The following STON1 variants were observed in gnomAD, a reference collection of about 807,000 sequenced individuals.
STON1 encodes the protein stonin-1.
A neutral mutation model predicts 60.9 loss-of-function variants in STON1; 79 were observed. The observed-to-expected ratio is 1.30, with a 90% CI of 1.08 to 1.56. The LOEUF (loss-of-function observed/expected upper bound fraction) is 1.56. Among genes scored for constraint, STON1 ranks in the 40% most tolerant of loss-of-function variants. STON1 has a pLI of 0.00. For synonymous variants in STON1, 363 were observed against 306.9 expected (o/e 1.18, Z -1.91); for missense variants, 1,166 against 858.9 (o/e 1.36, Z -4.47).
chr2:48,594,086 C>A (rs1674671992), intron 3 of STON1, among the ~76,000 whole-genome samples: 1 of 152,176 alleles, frequency 6.6e-6, no homozygotes, highest in East Asian at 1.9e-4. Flanking sequence ...GACTACATTG[C>A]ATCCCAGCTT....
intron 1 of STON1, among the ~76,000 whole-genome samples, chr2:48,571,833 T>A (rs1368753671): frequency 6.6e-6 from 1 of 151,978 alleles, no homozygotes; most frequent in Non-Finnish European, 1.5e-5. Context: ...TATAGAAGGA[T>A]CAGCTGAAAG....
At chr2:48,531,293 C>T (rs544445324) in intron 1 of STON1, 1 of 152,252 alleles carries the variant, frequency 6.6e-6, no homozygotes, top group Non-Finnish European at 1.5e-5. Context: ...ACTCCCCCAC[C>T]CCCACTTTCT....
At chr2:48,536,748 A>G (rs1460520460) in intron 1 of STON1, among the ~76,000 whole-genome samples, 3 of 152,188 alleles carry the variant, frequency 2.0e-5, no homozygotes, top group African/African-American at 4.8e-5. Context: ...ATTGCATTCA[A>G]TTAATACTGA....
intron 2 of STON1, among the ~76,000 whole-genome samples, chr2:48,583,569 C>A (rs1240395568): frequency 1.3e-5 from 2 of 149,968 alleles, no homozygotes; most frequent in African/African-American, 4.9e-5. Flanking sequence ...AGTCAAAAAC[C>A]AAATTTTAAA....
At chr2:48,546,901 T>C (rs983474412) in intron 1 of STON1, among the ~76,000 whole-genome samples, 18 of 152,150 alleles carry the variant, frequency 1.2e-4, no homozygotes, top group Non-Finnish European at 2.4e-4. Context: ...TTTCACCACA[T>C]TGCATGAACA....
intron 1 of STON1, among the ~76,000 whole-genome samples, chr2:48,538,200 C>T (rs1379782706): frequency 6.6e-6 from 1 of 152,078 alleles, no homozygotes; most frequent in East Asian, 1.9e-4. Context: ...CTCATGATAT[C>T]CCCTCCTCGG....
At chr2:48,556,988 C>G (rs1333415075) in intron 1 of STON1, among the ~76,000 whole-genome samples, 1 of 71,854 alleles carries the variant, frequency 1.4e-5, no homozygotes, top group African/African-American at 5.4e-5. Context: ...CCCCCCACCT[C>G]CCTCCTGGAC....
chr2:48,530,376 C>A, intron 1 of STON1, 160 bp downstream of exon 1: 1 of 250,574 alleles, frequency 4.0e-6, no homozygotes, highest in South Asian at 4.0e-5. Context: ...CCGCCCTGGC[C>A]GCCCCCAGGG....
rs140679959 is a variant in STON1 at position 48,539,348 on chromosome 2, C to G, written c.-48+9132C>G. On this transcript the variant is annotated intron_variant, in intron 1 of 3. Coordinates refer to ENST00000404752, the MANE Select transcript of STON1 (RefSeq NM_006873.4). ...TATTTTTGTTTTTCATTATTTTTAC[C>G]TTTATCTACATTTCTTCTGTTTCTA... Among the ~76,000 whole-genome samples, 1,265 of 151,946 alleles carry G rather than the reference C, an allele frequency of 8.3e-3. 10 individuals are homozygous for G. Among genetic ancestry groups the G allele is most frequent in the African/African-American group, 0.014 (585 of 41,428 alleles).
At chr2:48,535,105 A>G (rs969206763) in intron 1 of STON1, among the ~76,000 whole-genome samples, 1 of 152,166 alleles carries the variant, frequency 6.6e-6, no homozygotes, top group African/African-American at 2.4e-5. Flanking sequence ...ACAGGGTGTC[A>G]TCATTCTTTG....
chr2:48,581,349 C>G lies in STON1; in HGVS notation c.716C>G (p.Ala239Gly). 1 of 1,554,498 alleles carries G rather than the reference C, an allele frequency of 6.4e-7. No individual in the cohort carries two copies. The highest frequency in any genetic ancestry group is 8.7e-7 in the Non-Finnish European group (1 of 1,152,386). Reference protein sequence around the residue: ...ICEKLEHLQSAENQDSLRSLS... With the variant: ...ICEKLEHLQSGENQDSLRSLS... ...GAGAAGCTTGAACATCTCCAGTCAGCTGAGAACCAAGACTCACTTAGAAGT... is the reference window on the plus strand; with the variant it reads ...GAGAAGCTTGAACATCTCCAGTCAGGTGAGAACCAAGACTCACTTAGAAGT... The change falls in exon 2 of 4, where the codon GCT (alanine) becomes GGT (glycine). Residue 239 changes from alanine to glycine, a missense_variant. Coordinates refer to ENST00000404752, the MANE Select transcript of STON1 (RefSeq NM_006873.4).
chr2:48,530,887 G>T (rs1242626312), intron 1 of STON1: 1 of 152,386 alleles, frequency 6.6e-6, no homozygotes, highest in Non-Finnish European at 1.5e-5. Flanking sequence ...ACTGAACCTC[G>T]TGGGTACAGG....
intron 1 of STON1, among the ~76,000 whole-genome samples, chr2:48,544,624 C>A (rs1671788864): frequency 6.6e-6 from 1 of 152,180 alleles, no homozygotes; most frequent in Admixed American, 6.5e-5. Context: ...TGGCTCACTG[C>A]AACCTCTGCC....
intron 1 of STON1, among the ~76,000 whole-genome samples, chr2:48,557,076 C>T (rs1362725645): frequency 1.0e-5 from 1 of 97,664 alleles, no homozygotes; most frequent in African/African-American, 3.6e-5. Flanking sequence ...GGGGGCTGAC[C>T]CCCCCCCACC....
At chr2:48,564,474 TTCTTCTTTCTTCTTCTTCTTCTTC>T (rs1672779527) in intron 1 of STON1, among the ~76,000 whole-genome samples, 1 of 51,302 alleles carries the variant, frequency 1.9e-5, no homozygotes, top group East Asian at 4.6e-4. Flanking sequence ...CTTCTTCTTC[TTCTTCTTTCTTCTTCTTCTTCTTC>T]TTCTTCTTCT....
rs145188930 is a variant in STON1, at chr2:48,535,858, G to A, written c.-48+5642G>A. Among the ~76,000 whole-genome samples the A allele has an allele frequency of 1.2e-4, 19 of 152,238 alleles. No individual in the cohort carries two copies. The South Asian group carries it at 1.4e-3, about 12-fold the overall frequency. On this transcript the variant is annotated intron_variant, in intron 1 of 3. Coordinates refer to ENST00000404752, the MANE Select transcript of STON1 (RefSeq NM_006873.4). ...TCCCAGCACTTTGGGAGGCTGAGGC[G>A]GGCTGATCGCTTGAGCTCAGGAGTT...
At chr2:48,552,183 T>C (rs983488263) in intron 1 of STON1, among the ~76,000 whole-genome samples, 8 of 152,248 alleles carry the variant, frequency 5.3e-5, no homozygotes, top group African/African-American at 1.7e-4. Flanking sequence ...GAATGAAATA[T>C]TGATGTAAGC....
intron 1 of STON1, among the ~76,000 whole-genome samples, chr2:48,567,734 G>T (rs1199949238): frequency 6.6e-6 from 1 of 152,100 alleles, no homozygotes; most frequent in Non-Finnish European, 1.5e-5. Flanking sequence ...GTCATAGCAA[G>T]CCCTTAAGAA....
chr2:48,566,910 C>A (rs189547988), intron 1 of STON1, among the ~76,000 whole-genome samples: 28 of 152,098 alleles, frequency 1.8e-4, no homozygotes, highest in Admixed American at 1.6e-3. Flanking sequence ...AGTTGAAAGG[C>A]CTATTCAAGA....
Sources: allele counts gnomAD v4.1 joint callset (sites outside exome capture counted in the v4.1 genomes callset), GRCh38; gene constraint gnomAD v4.1.1; transcripts MANE v1.5; gene names NCBI Gene and HGNC (gene_info 2026-07-23, HGNC 2026-07-21).